B3GAT2: variants seen among roughly 807,000 people sequenced by gnomAD.
B3GAT2 encodes the protein galactosylgalactosylxylosylprotein 3-beta-glucuronosyltransferase 2.
In B3GAT2, 26 loss-of-function variants were observed where a neutral mutation model predicts 27.8. The observed-to-expected ratio is 0.93, with a 90% confidence interval of 0.68 to 1.30. B3GAT2 has a LOEUF of 1.30. B3GAT2 is among the 50% of genes most tolerant of loss of function. The probability of loss-of-function intolerance (pLI) is 0.00; values close to 1 mark genes in which losing one functional copy is unlikely to be tolerated. For missense variants in B3GAT2, 458 were observed against 459.0 expected (o/e 1.00, Z 0.02); for synonymous variants, 218 against 195.1 (o/e 1.12, Z -0.98).
chr6:70,866,587 C>A lies in B3GAT2; in HGVS notation c.737-4609G>T, dbSNP rs547805703. On this transcript the variant is annotated intron_variant, in intron 2 of 3. Coordinates refer to ENST00000230053, the MANE Select transcript of B3GAT2 (RefSeq NM_080742.3). ...GATGGGATTAGCAGCAGAGGAGACA[C>A]TGCAGAATAAAAGTTGAGTAAACTC... Among the ~76,000 whole-genome samples the A allele has an allele frequency of 4.6e-5, 7 of 152,196 alleles. No individual in the cohort carries two copies. In the South Asian group the frequency reaches 1.5e-3, roughly 32 times the overall value.
chr6:70,913,389 T>TG (rs1369008627), intron 1 of B3GAT2, among the ~76,000 whole-genome samples: 1 of 152,220 alleles, frequency 6.6e-6, no homozygotes, highest in Non-Finnish European at 1.5e-5. Flanking sequence ...CTCAGATATT[T>TG]TCGTATATTT....
chr6:70,883,416 A>C (rs1461155059), intron 2 of B3GAT2, among the ~76,000 whole-genome samples: 4 of 152,016 alleles, frequency 2.6e-5, no homozygotes, highest in Admixed American at 2.0e-4. Context: ...ATTCTGATAC[A>C]TAATATAATA....
In B3GAT2 at chr6:70,951,205, G is replaced by A. The variant is rs1280884031; in HGVS notation, c.591+4634C>T. On this transcript the variant is annotated intron_variant, in intron 1 of 3. Coordinates refer to ENST00000230053, the MANE Select transcript of B3GAT2 (RefSeq NM_080742.3). The stretch of plus-strand genomic sequence containing the variant: ...TGAATTCTGTGCAAAAAACAATGAC[G>A]ACAACAAAAAACCTACCACTACTTG... Among the ~76,000 whole-genome samples the A allele has an allele frequency of 4.6e-5, 7 of 152,160 alleles. No homozygotes were observed. In the East Asian group the frequency reaches 1.2e-3, roughly 25 times the overall value.
In B3GAT2 at chr6:70,857,889, T is replaced by C. The variant is rs1426425545; in HGVS notation, c.*3774A>G. Reference sequence around the variant, plus strand: ...GATGAGTGCAACTACACGTGATAGCTCTGTCTTCATTCATTTTCTTTTTGT... The same window carrying C: ...GATGAGTGCAACTACACGTGATAGCCCTGTCTTCATTCATTTTCTTTTTGT... On this transcript the variant is annotated 3_prime_UTR_variant, in exon 4 of 4. Coordinates refer to ENST00000230053, the MANE Select transcript of B3GAT2 (RefSeq NM_080742.3). 6.2e-7 allele frequency: 1 copy of C among 1,600,826 alleles called. No homozygotes were observed. The highest frequency in any genetic ancestry group is 1.7e-5 in the Admixed American group (1 of 59,484).
intron 1 of B3GAT2, among the ~76,000 whole-genome samples, chr6:70,950,618 T>C (rs545427954): frequency 4.6e-5 from 7 of 152,292 alleles, no homozygotes; most frequent in South Asian, 2.1e-4. Flanking sequence ...AGTGCTTCTG[T>C]TAAAAACGGG....
intron 1 of B3GAT2, among the ~76,000 whole-genome samples, chr6:70,903,247 T>C (rs1017962403): frequency 6.6e-5 from 10 of 152,092 alleles, no homozygotes; most frequent in African/African-American, 2.2e-4. Flanking sequence ...CTAAAGTTTT[T>C]AAGTTTACAA....
rs1260826289 is a variant in B3GAT2 at position 70,860,323 on chromosome 6, C to G, written c.*1340G>C. On this transcript the variant is annotated 3_prime_UTR_variant, in exon 4 of 4. Coordinates refer to ENST00000230053, the MANE Select transcript of B3GAT2 (RefSeq NM_080742.3). ...ATCAGGTCAGACTCTCAGCACACAA[C>G]TGTGGAAATGAAAACTGCAATACAA... The G allele has an allele frequency of 6.2e-7, 1 of 1,606,854 alleles. No individual in the cohort carries two copies. The highest frequency in any genetic ancestry group is 8.5e-7 in the Non-Finnish European group (1 of 1,178,064).
At chr6:70,878,774 A>C (rs1218790400) in intron 2 of B3GAT2, among the ~76,000 whole-genome samples, 1 of 152,010 alleles carries the variant, frequency 6.6e-6, no homozygotes, top group East Asian at 1.9e-4. Flanking sequence ...GTTACCTTTA[A>C]AATTCCTTAT....
chr6:70,858,145 A>C lies in B3GAT2; in HGVS notation c.*3518T>G. The stretch of plus-strand genomic sequence containing the variant: ...TTCCTCAGAACGTTGTTGGCCCCCA[A>C]GGAGGAATGGTGGGACAAATGGGTG... On this transcript the variant is annotated 3_prime_UTR_variant, in exon 4 of 4. Coordinates refer to ENST00000230053, the MANE Select transcript of B3GAT2 (RefSeq NM_080742.3). 1 of 1,614,058 alleles carries C rather than the reference A, an allele frequency of 6.2e-7. No homozygotes were observed. The highest frequency in any genetic ancestry group is 8.5e-7 in the Non-Finnish European group (1 of 1,179,992).
intron 1 of B3GAT2, among the ~76,000 whole-genome samples, chr6:70,899,733 C>A (rs184480454): frequency 5.5e-4 from 83 of 152,244 alleles, no homozygotes; most frequent in African/African-American, 1.9e-3. Flanking sequence ...CAGCTATTTA[C>A]AGAACTTCTT....
intron 1 of B3GAT2, 113 bp downstream of exon 1, chr6:70,955,726 G>A (rs1277508425): frequency 3.2e-6 from 4 of 1,243,682 alleles, no homozygotes; most frequent in Non-Finnish European, 4.3e-6. Flanking sequence ...CGCGCACGGA[G>A]AACTGAGAAC....
At chr6:70,915,787 G>T (rs1772763210) in intron 1 of B3GAT2, among the ~76,000 whole-genome samples, 1 of 152,190 alleles carries the variant, frequency 6.6e-6, no homozygotes, top group Non-Finnish European at 1.5e-5. Context: ...CCAGTAACAT[G>T]CTGTTTTGGT....
Position 70,868,686 on chromosome 6 carries a change from A to C in B3GAT2, c.737-6708T>G, listed in dbSNP as rs137973626. ...CTCTTGACACATGTTTAGTGTTACC[A>C]ATAGCTATCAGGTAATTTCAAAAGC... On this transcript the variant is annotated intron_variant, in intron 2 of 3. Coordinates refer to ENST00000230053, the MANE Select transcript of B3GAT2 (RefSeq NM_080742.3). Among the ~76,000 whole-genome samples the C allele has an allele frequency of 3.8e-3, 576 of 152,262 alleles. 2 individuals are homozygous for C. The highest frequency in any genetic ancestry group is 0.012 in the African/African-American group (500 of 41,532).
chr6:70,858,221 C>G lies in B3GAT2; in HGVS notation c.*3442G>C. On this transcript the variant is annotated 3_prime_UTR_variant, in exon 4 of 4. Coordinates refer to ENST00000230053, the MANE Select transcript of B3GAT2 (RefSeq NM_080742.3). Reference sequence around the variant, plus strand: ...GCAAGCTCAGCAGCCCCAGTGGAGCCTCTCACAGGTAGGGGTCATTTACTT... The same window carrying G: ...GCAAGCTCAGCAGCCCCAGTGGAGCGTCTCACAGGTAGGGGTCATTTACTT... The G allele has an allele frequency of 6.2e-7, 1 of 1,612,600 alleles. No homozygotes were observed. The highest frequency in any genetic ancestry group is 8.5e-7 in the Non-Finnish European group (1 of 1,179,620).
At chr6:70,881,449 G>T (rs1349761245) in intron 2 of B3GAT2, among the ~76,000 whole-genome samples, 1 of 152,092 alleles carries the variant, frequency 6.6e-6, no homozygotes, top group East Asian at 1.9e-4. Flanking sequence ...GAACAGCATT[G>T]ATGGCTTGTA....
chr6:70,907,902 T>C (rs1023975983), intron 1 of B3GAT2, among the ~76,000 whole-genome samples: 8 of 152,202 alleles, frequency 5.3e-5, no homozygotes, highest in Admixed American at 2.6e-4. Context: ...GCTAATATAG[T>C]GAGATAATAT....
chr6:70,870,183 C>T (rs1275186304), intron 2 of B3GAT2, among the ~76,000 whole-genome samples: 1 of 151,860 alleles, frequency 6.6e-6, no homozygotes, highest in African/African-American at 2.4e-5. Flanking sequence ...AAATGTGGCA[C>T]ATATACACCA....
rs536487492 is a variant in B3GAT2, at chr6:70,871,725, A to G, written c.737-9747T>C. Among the ~76,000 whole-genome samples the G allele has an allele frequency of 7.4e-4, 112 of 151,732 alleles. 1 individual carries two copies. The highest frequency in any genetic ancestry group is 2.6e-3 in the African/African-American group (107 of 41,480). ...TATATTCTGTATTTTTCTCTAATCT[A>G]ATAACTTCCTTCTGCTTATTTTGAG... On this transcript the variant is annotated intron_variant, in intron 2 of 3. Coordinates refer to ENST00000230053, the MANE Select transcript of B3GAT2 (RefSeq NM_080742.3).
chr6:70,885,532 C>T (rs1192057843), intron 2 of B3GAT2, among the ~76,000 whole-genome samples: 2 of 152,076 alleles, frequency 1.3e-5, no homozygotes, highest in African/African-American at 4.8e-5. Context: ...AGCATGCCAT[C>T]CTGCATGCTG....
Sources: gnomAD v4.1 joint callset for allele counts (sites outside exome capture counted in the v4.1 genomes callset) on GRCh38, gnomAD v4.1.1 for gene constraint, MANE v1.5 for transcripts, NCBI Gene and HGNC (gene_info 2026-07-23, HGNC 2026-07-21) for gene names.